TANGO2: variants seen among roughly 807,000 people sequenced by gnomAD.
The protein encoded by TANGO2 is transport and Golgi organization protein 2 homolog.
A neutral mutation model predicts 39.1 loss-of-function variants in TANGO2; 26 were observed. The observed-to-expected ratio is 0.67, with a 90% confidence interval of 0.49 to 0.92. The LOEUF (loss-of-function observed/expected upper bound fraction) is 0.92. TANGO2 is among the 40% of genes least tolerant of loss of function. TANGO2 has a pLI of 0.00. For missense variants in TANGO2, 326 were observed against 360.1 expected, an observed-to-expected ratio of 0.91 and a Z score of 0.77; for synonymous variants, 131 against 144.5, an observed-to-expected ratio of 0.91 and a Z score of 0.67.
At chr22:20,033,140 G>T in intron 1 of TANGO2, 1 of 498,722 alleles carries the variant, frequency 2.0e-6, no homozygotes. Context: ...GGCTCGAGCA[G>T]GGGGCGAGGG....
At chr22:20,021,930 T>G (rs2039767840) in intron 1 of TANGO2, among the ~76,000 whole-genome samples, 1 of 152,248 alleles carries the variant, frequency 6.6e-6, no homozygotes, top group Admixed American at 6.5e-5. Flanking sequence ...TCCCTGGGCC[T>G]CAGGCCCCCT....
chr22:20,018,252 G>T (rs887587227), upstream of TANGO2, among the ~76,000 whole-genome samples: 1 of 152,238 alleles, frequency 6.6e-6, no homozygotes, highest in African/African-American at 2.4e-5. Flanking sequence ...TTGGCCTCCT[G>T]GCATAGGGTT....
At position 20,055,977 on chromosome 22, in the gene TANGO2, A is replaced by G. The variant is rs759116135; in HGVS notation, c.415A>G (p.Asn139Asp). Residue 139 changes from asparagine (N) to aspartate (D), a missense_variant, in exon 6 of 9, where the codon AAC (asparagine) becomes GAC (aspartate). Physicochemically the swap from Asn to Asp is conservative, Grantham distance 23 (BLOSUM62 1). Transcript: ENST00000327374. ...AKGDVICYYG[N>D]RGEPDPIVLT... ...GGGAGACGTCATTTGCTACTATGGGAACCGAGGGGAGCCTGATCCTATCGT... is the reference window on the plus strand; with the variant it reads ...GGGAGACGTCATTTGCTACTATGGGGACCGAGGGGAGCCTGATCCTATCGT... The G allele has an allele frequency of 8.1e-6, 13 of 1,614,094 alleles. No individual in the cohort carries two copies. Among genetic ancestry groups the G allele is most frequent in the Non-Finnish European group, 1.0e-5 (12 of 1,179,944 alleles).
At position 20,067,008 on chromosome 22, in the gene TANGO2, C is replaced by T. The variant is rs2049250327; in HGVS notation, c.*2346C>T. The T allele has an allele frequency of 6.6e-6, 1 of 152,260 alleles. No individual in the cohort carries two copies. Among genetic ancestry groups the T allele is most frequent in the Admixed American group, 6.5e-5 (1 of 15,282 alleles). 9.4% of individuals were successfully genotyped at this position (152,260 alleles called of 1,614,324 possible). On this transcript the variant is annotated 3_prime_UTR_variant, in exon 9 of 9. Coordinates refer to ENST00000327374, the MANE Select transcript of TANGO2 (RefSeq NM_152906.7). ...AGAGATATATCAGTGTCCTGACCCA[C>T]AGTACCTCAGAATGTGACTGCATTT...
intron 3 of TANGO2, among the ~76,000 whole-genome samples, chr22:20,049,696 A>T (rs1341634263): frequency 1.4e-4 from 22 of 151,888 alleles, no homozygotes; most frequent in Admixed American, 1.0e-3. Flanking sequence ...AAATCAGGCA[A>T]TGTGGGTCTG....
chr22:20,036,936 T>G (rs2042957807), intron 2 of TANGO2, 82 bp downstream of exon 2: 2 of 1,613,808 alleles, frequency 1.2e-6, no homozygotes, highest in Non-Finnish European at 1.7e-6. Flanking sequence ...AGCTGCTGTG[T>G]GCAGGAAGGT....
rs548615742 is a variant in TANGO2, at chr22:20,024,079, C to T, written c.-40+2833C>T. The stretch of plus-strand genomic sequence containing the variant: ...GCAGGTGCCTGTAATCCCAACTACT[C>T]GAAAGGCTGAGGCAGGAGAATTGCT... On this transcript the variant is annotated intron_variant, in intron 1 of 8. Coordinates refer to ENST00000327374, the MANE Select transcript of TANGO2 (RefSeq NM_152906.7). Among the ~76,000 whole-genome samples, 4 of 152,140 alleles carry T rather than the reference C, an allele frequency of 2.6e-5. No individual in the cohort carries two copies. In the South Asian group the frequency reaches 8.3e-4, roughly 32 times the overall value.
intron 3 of TANGO2, among the ~76,000 whole-genome samples, chr22:20,043,670 G>T (rs1489307002): frequency 1.3e-5 from 2 of 152,178 alleles, no homozygotes; most frequent in Admixed American, 6.5e-5. Context: ...CTGCATGGGG[G>T]CCCCATCATG....
chr22:20,037,307 C>T lies in TANGO2; in HGVS notation c.56+453C>T, dbSNP rs955012964. Among the ~76,000 whole-genome samples the T allele has an allele frequency of 2.0e-4, 31 of 152,068 alleles. 1 individual carries two copies. Among genetic ancestry groups the T allele is most frequent in the African/African-American group, 1.2e-4 (5 of 41,402 alleles). On this transcript the variant is annotated intron_variant, in intron 2 of 8. Coordinates refer to ENST00000327374, the MANE Select transcript of TANGO2 (RefSeq NM_152906.7). Reference sequence around the variant, plus strand: ...GAAAAAGAACCTGGGGAAGAGGGGACGCTGAGGACCAGCCAGAGGAGTCAG... The same window carrying T: ...GAAAAAGAACCTGGGGAAGAGGGGATGCTGAGGACCAGCCAGAGGAGTCAG...
intron 2 of TANGO2, among the ~76,000 whole-genome samples, chr22:20,038,938 AT>A (rs2043373597): frequency 7.2e-6 from 1 of 138,836 alleles, no homozygotes; most frequent in Admixed American, 7.1e-5. Context: ...TTTTTTTTTT[AT>A]TATTATTATT....
At chr22:20,046,748 A>C (rs1295866817) in intron 3 of TANGO2, among the ~76,000 whole-genome samples, 3 of 152,122 alleles carry the variant, frequency 2.0e-5, no homozygotes, top group Admixed American at 6.6e-5. Flanking sequence ...TGCTGCACCC[A>C]TCAACTCATC....
chr22:20,026,476 G>T (rs2040785141), intron 1 of TANGO2, among the ~76,000 whole-genome samples: 1 of 152,232 alleles, frequency 6.6e-6, no homozygotes, highest in Non-Finnish European at 1.5e-5. Context: ...TTTGGGACAG[G>T]GAGGGCCTTT....
chr22:20,063,270 TGG>T, intron 7 of TANGO2, 66 bp from the exon 8 acceptor site: 1 of 1,458,260 alleles, frequency 6.9e-7, no homozygotes, highest in Non-Finnish European at 9.5e-7. Flanking sequence ...CCAGGTGGGC[TGG>T]GGCTAGACCC....
At chr22:20,044,079 C>T (rs960243322) in intron 3 of TANGO2, among the ~76,000 whole-genome samples, 5 of 152,218 alleles carry the variant, frequency 3.3e-5, no homozygotes, top group African/African-American at 9.6e-5. Flanking sequence ...CTGGAAGGTG[C>T]GCATAGATGG....
upstream of TANGO2, chr22:20,017,110 A>C (rs1323666764): frequency 6.6e-6 from 1 of 152,082 alleles, no homozygotes; most frequent in Non-Finnish European, 1.5e-5. Context: ...CCGACCATCC[A>C]GCCCCGAGCA....
At chr22:20,043,257 C>T (rs2147240384) in intron 2 of TANGO2, 98 bp from the exon 3 acceptor site, 2 of 849,242 alleles carry the variant, frequency 2.4e-6, no homozygotes, top group Middle Eastern at 2.4e-4. Context: ...TGAGACTGGC[C>T]CTTGTTGCCA....
chr22:20,031,367 A>G (rs2041832105), intron 1 of TANGO2, among the ~76,000 whole-genome samples: 1 of 152,212 alleles, frequency 6.6e-6, no homozygotes, highest in Non-Finnish European at 1.5e-5. Flanking sequence ...TCAAATAGCC[A>G]TGAGAACAAC....
chr22:20,030,248 A>G (rs2041595103), intron 1 of TANGO2, among the ~76,000 whole-genome samples: 2 of 149,954 alleles, frequency 1.3e-5, no homozygotes, highest in East Asian at 3.9e-4. Flanking sequence ...GTTCACTGCA[A>G]CCTCCACCTC....
chr22:20,054,642 TA>T (rs1234905951), intron 5 of TANGO2: 1 of 152,252 alleles, frequency 6.6e-6, no homozygotes, highest in Non-Finnish European at 1.5e-5. Context: ...AGCCTGAGGA[TA>T]CAGGCAGTGG....
Sources: gnomAD v4.1 joint callset for allele counts (sites outside exome capture counted in the v4.1 genomes callset) on GRCh38, gnomAD v4.1.1 for gene constraint, MANE v1.5 for transcripts, NCBI Gene and HGNC (gene_info 2026-07-23, HGNC 2026-07-21) for gene names.